The following OPHN1 variants were observed in gnomAD, a reference collection of about 807,000 sequenced individuals.
The protein encoded by OPHN1 is oligophrenin-1.
Under a neutral mutation model 60.7 loss-of-function variants are expected in OPHN1, and 11 were observed. The observed-to-expected ratio is 0.18, with a 90% CI of 0.11 to 0.30. The LOEUF is 0.30. OPHN1 is among the 10% of genes least tolerant of loss of function. The probability of loss-of-function intolerance (pLI) is 1.00; values close to 1 mark genes in which losing one functional copy is unlikely to be tolerated. For missense variants in OPHN1, 449 were observed against 611.0 expected (o/e 0.73, Z 2.80); for synonymous variants, 226 against 222.6 (o/e 1.02, Z -0.14).
chrX:68,417,326 C>G (rs1236736481), intron 2 of OPHN1, among the ~76,000 whole-genome samples: 1 of 111,578 alleles, frequency 9.0e-6, no homozygotes, highest in Non-Finnish European at 1.9e-5. Flanking sequence ...CTCCTGACCT[C>G]AGGTGATCCA....
intron 2 of OPHN1, among the ~76,000 whole-genome samples, chrX:68,396,666 T>C (rs1361954007): frequency 9.2e-6 from 1 of 108,905 alleles, no homozygotes; most frequent in South Asian, 4.1e-4. Flanking sequence ...AATACAAAAA[T>C]TAGCCGGGCA....
chrX:68,133,274 G>A (rs2077205535), intron 15 of OPHN1: 2 of 629,669 alleles, frequency 3.2e-6, no homozygotes, highest in Non-Finnish European at 5.4e-6. Context: ...CTGACAAATC[G>A]GAATAATACG....
rs59924749 is a variant in OPHN1 at position 68,112,061 on chromosome X, G to GCGCACA, written c.1421-103_1421-102insTGTGCG. On this transcript the variant is annotated intron_variant, in intron 17 of 24. Transcript: ENST00000355520. The stretch of plus-strand genomic sequence containing the variant: ...CACAAACACACACACATGCACACAT[G>GCGCACA]CACACACACACACACACACACACAC... 11 of 389,589 alleles carry GCGCACA rather than the reference G, an allele frequency of 2.8e-5. No individual in the cohort carries two copies. In the East Asian group the frequency reaches 3.1e-4, roughly 11 times the overall value. 32.1% of individuals were successfully genotyped at this position (389,589 alleles called of 1,213,427 possible).
At chrX:68,266,560 G>A (rs998814565) in intron 5 of OPHN1, among the ~76,000 whole-genome samples, 1 of 111,606 alleles carries the variant, frequency 9.0e-6, no homozygotes, top group African/African-American at 3.3e-5. Context: ...ACCGGTACCA[G>A]CCACTGCAAA....
intron 6 of OPHN1, among the ~76,000 whole-genome samples, chrX:68,229,140 C>G (rs1161216730): frequency 1.8e-5 from 2 of 111,473 alleles, no homozygotes; most frequent in Non-Finnish European, 3.8e-5. Context: ...AGAGCCAAAT[C>G]ATGAGTGAAC....
At chrX:68,375,717 A>T (rs868356096) in intron 2 of OPHN1, among the ~76,000 whole-genome samples, 1 of 107,873 alleles carries the variant, frequency 9.3e-6, no homozygotes, top group Non-Finnish European at 1.9e-5. Context: ...CACCCAACTA[A>T]TTTTTTTTTA....
At chrX:68,061,561 C>T (rs747534625) in intron 21 of OPHN1, among the ~76,000 whole-genome samples, 41 of 111,780 alleles carry the variant, frequency 3.7e-4, no homozygotes, top group Non-Finnish European at 5.6e-4. Flanking sequence ...GGCTATGTCT[C>T]AGAAGAGCCA....
chrX:68,163,400 CTTTT>C (rs1181510185), intron 15 of OPHN1, among the ~76,000 whole-genome samples: 1 of 103,614 alleles, frequency 9.7e-6, no homozygotes, highest in Admixed American at 1.1e-4. Flanking sequence ...ACATCTCTTT[CTTTT>C]TTAAGGCTGA....
intron 2 of OPHN1, among the ~76,000 whole-genome samples, chrX:68,408,062 C>T (rs752776535): frequency 1.2e-4 from 13 of 112,193 alleles, no homozygotes; most frequent in African/African-American, 4.2e-4. Context: ...GCCTCAGCCT[C>T]CTGAGCAGCT....
chrX:68,406,733 A>T (rs941272915), intron 2 of OPHN1, among the ~76,000 whole-genome samples: 2 of 112,541 alleles, frequency 1.8e-5, no homozygotes, highest in Non-Finnish European at 3.7e-5. Flanking sequence ...ATGCAACTGA[A>T]TCTAAAATGA....
intron 19 of OPHN1, 79 bp downstream of exon 19, chrX:68,096,791 G>A (rs1387270855): frequency 3.0e-6 from 3 of 1,009,253 alleles, no homozygotes; most frequent in Non-Finnish European, 4.2e-6. Context: ...AGCCAAGGAG[G>A]AAGACACAGC....
intron 2 of OPHN1, among the ~76,000 whole-genome samples, chrX:68,402,156 A>C (rs1265559110): frequency 1.8e-5 from 2 of 111,034 alleles, no homozygotes; most frequent in Non-Finnish European, 3.8e-5. Context: ...ATGTAGCAGT[A>C]AGAAGGAGCA....
intron 2 of OPHN1, among the ~76,000 whole-genome samples, chrX:68,359,113 C>T (rs2078457086): frequency 8.9e-6 from 1 of 112,067 alleles, no homozygotes; most frequent in Admixed American, 9.5e-5. Context: ...ATTTAATTCA[C>T]AATCACCCTC....
intron 2 of OPHN1, among the ~76,000 whole-genome samples, chrX:68,385,067 T>A (rs114104721): frequency 0.013 from 1,468 of 110,859 alleles, 20 homozygotes; most frequent in African/African-American, 0.043. Flanking sequence ...ATAATTTTTT[T>A]AAAAAAAATC....
intron 6 of OPHN1, among the ~76,000 whole-genome samples, chrX:68,228,965 T>C (rs1341285965): frequency 9.0e-6 from 1 of 110,913 alleles, no homozygotes; most frequent in Non-Finnish European, 1.9e-5. Flanking sequence ...AATGAGGAAG[T>C]CAAATTGTCC....
chrX:68,095,903 TTGACC>T (rs1381274329), intron 19 of OPHN1, among the ~76,000 whole-genome samples: 4 of 112,100 alleles, frequency 3.6e-5, no homozygotes, highest in Non-Finnish European at 7.5e-5. Flanking sequence ...CCTTTTGTAC[TTGACC>T]TGATTATAAT....
intron 18 of OPHN1, among the ~76,000 whole-genome samples, chrX:68,102,415 G>A (rs1345839538): frequency 8.9e-6 from 1 of 112,043 alleles, no homozygotes; most frequent in African/African-American, 3.2e-5. Context: ...GTCCACAGGA[G>A]AAAGCGGGAA....
intron 8 of OPHN1, among the ~76,000 whole-genome samples, chrX:68,211,551 A>C (rs765591350): frequency 2.7e-5 from 3 of 112,738 alleles, no homozygotes; most frequent in African/African-American, 9.7e-5. Flanking sequence ...CATTTGTTTA[A>C]TGTGGGTTGA....
chrX:68,260,822 A>G (rs749277073), intron 5 of OPHN1, among the ~76,000 whole-genome samples: 26 of 111,447 alleles, frequency 2.3e-4, no homozygotes, highest in Non-Finnish European at 3.8e-4. Flanking sequence ...GGATCTATCA[A>G]TGGGTGGTTT....
Sources: gnomAD v4.1 joint callset for allele counts (sites outside exome capture counted in the v4.1 genomes callset) on GRCh38, gnomAD v4.1.1 for gene constraint, MANE v1.5 for transcripts, NCBI Gene and HGNC (gene_info 2026-07-23, HGNC 2026-07-21) for gene names.